Variants in MTF2 observed in about 807,000 individuals in gnomAD.
MTF2 encodes metal-response element-binding transcription factor 2.
A neutral mutation model predicts 79.5 loss-of-function variants in MTF2; 11 were observed. The observed-to-expected ratio is 0.14, with a 90% CI of 0.09 to 0.23. The LOEUF is 0.23. Ranked by LOEUF, MTF2 falls within the 10% of genes least tolerant of loss-of-function variation. The pLI is 1.00. For synonymous variants in MTF2, 208 were observed against 232.8 expected, an observed-to-expected ratio of 0.89 and a Z score of 0.97; for missense variants, 486 against 711.2, an observed-to-expected ratio of 0.68 and a Z score of 3.60.
chr1:93,103,824 T>G (rs1655648664), intron 1 of MTF2, among the ~76,000 whole-genome samples: 1 of 152,204 alleles, frequency 6.6e-6, no homozygotes, highest in Admixed American at 6.5e-5. Context: ...GCAACGATGT[T>G]TATCCTACTT....
At chr1:93,130,106 A>G (rs1656859050) in intron 11 of MTF2, among the ~76,000 whole-genome samples, 1 of 152,212 alleles carries the variant, frequency 6.6e-6, no homozygotes, top group African/African-American at 2.4e-5. Flanking sequence ...AAGGCTTTGA[A>G]ACATATTCTA....
intron 3 of MTF2, among the ~76,000 whole-genome samples, chr1:93,113,269 A>T (rs1656106152): frequency 6.6e-6 from 1 of 151,076 alleles, no homozygotes; most frequent in South Asian, 2.1e-4. Flanking sequence ...GGTTCCAGTT[A>T]CTTGGGAGGC....
intron 9 of MTF2, among the ~76,000 whole-genome samples, chr1:93,124,347 A>G (rs1656608355): frequency 2.0e-5 from 3 of 152,044 alleles, no homozygotes; most frequent in Admixed American, 1.3e-4. Flanking sequence ...GTTGTATCAG[A>G]TTGTTTTGGG....
At chr1:93,121,295 A>C in intron 9 of MTF2, 1 of 883,012 alleles carries the variant, frequency 1.1e-6, no homozygotes, top group South Asian at 5.2e-5. Flanking sequence ...AAACTAATGA[A>C]TAGCAGAAAG....
intron 1 of MTF2, among the ~76,000 whole-genome samples, chr1:93,109,264 A>G (rs945620625): frequency 1.3e-5 from 2 of 152,154 alleles, no homozygotes; most frequent in Non-Finnish European, 2.9e-5. Context: ...CATAAGTTAT[A>G]ATGTAATTTC....
intron 10 of MTF2, among the ~76,000 whole-genome samples, chr1:93,128,361 C>T (rs1040060419): frequency 2.6e-5 from 4 of 151,818 alleles, no homozygotes; most frequent in Non-Finnish European, 4.4e-5. Flanking sequence ...AGTTTGAGAC[C>T]AGCCTGGCCA....
chr1:93,096,331 C>G (rs1655284889), intron 1 of MTF2, among the ~76,000 whole-genome samples: 1 of 152,128 alleles, frequency 6.6e-6, no homozygotes, highest in African/African-American at 2.4e-5. Context: ...TCATTTCTAT[C>G]CAGGGCCCCA....
intron 1 of MTF2, among the ~76,000 whole-genome samples, chr1:93,100,024 G>A (rs1223521745): frequency 6.6e-6 from 1 of 152,166 alleles, no homozygotes; most frequent in Admixed American, 6.5e-5. Context: ...GTAGGAAATA[G>A]GAGTTGGCAT....
At chr1:93,131,956 G>A (rs572443185) in intron 11 of MTF2, among the ~76,000 whole-genome samples, 3 of 152,108 alleles carry the variant, frequency 2.0e-5, no homozygotes, top group Non-Finnish European at 4.4e-5. Flanking sequence ...CCATTTTCTC[G>A]ATGAAATATA....
At chr1:93,127,390 T>A (rs1262349547) in intron 10 of MTF2, 91 bp downstream of exon 10, 1 of 837,904 alleles carries the variant, frequency 1.2e-6, no homozygotes, top group South Asian at 1.5e-5. Flanking sequence ...GGGATTGATG[T>A]ACAGAAGAAG....
At chr1:93,121,588 A>G (rs1656480228) in intron 9 of MTF2, 4 of 977,468 alleles carry the variant, frequency 4.1e-6, no homozygotes, top group Non-Finnish European at 4.9e-6. Context: ...GGTTTATGGG[A>G]TATCAGGGAG....
At chr1:93,130,532 G>A (rs1364692252) in intron 11 of MTF2, among the ~76,000 whole-genome samples, 5 of 152,104 alleles carry the variant, frequency 3.3e-5, no homozygotes, top group East Asian at 1.9e-4. Flanking sequence ...AGCCGAGATC[G>A]TGCCACTGCA....
intron 9 of MTF2, among the ~76,000 whole-genome samples, chr1:93,125,540 G>A (rs1334408144): frequency 6.6e-6 from 1 of 151,992 alleles, no homozygotes; most frequent in African/African-American, 2.4e-5. Context: ...ATTCTAGAAG[G>A]ATGACAGAAT....
chr1:93,085,679 G>A (rs1654807473), intron 1 of MTF2, among the ~76,000 whole-genome samples: 1 of 151,890 alleles, frequency 6.6e-6, no homozygotes, highest in Admixed American at 6.6e-5. Flanking sequence ...GTAGAAACGG[G>A]GTCTTGGTAT....
chr1:93,124,843 C>T (rs757729574), intron 9 of MTF2, among the ~76,000 whole-genome samples: 4 of 151,610 alleles, frequency 2.6e-5, no homozygotes, highest in Non-Finnish European at 5.9e-5. Flanking sequence ...AAAAAATATT[C>T]TTTTGGAGAT....
At chr1:93,115,249 TA>T (rs1656202735) in intron 5 of MTF2, among the ~76,000 whole-genome samples, 161 bp downstream of exon 5, 1 of 152,238 alleles carries the variant, frequency 6.6e-6, no homozygotes, top group African/African-American at 2.4e-5. Context: ...AGTGACTTTT[TA>T]ATGATGCTTT....
intron 9 of MTF2, among the ~76,000 whole-genome samples, chr1:93,123,814 G>T (rs912542015): frequency 7.7e-6 from 1 of 129,590 alleles, no homozygotes. Flanking sequence ...TTATTTTAAA[G>T]ACTTTTTTTT....
intron 1 of MTF2, among the ~76,000 whole-genome samples, chr1:93,086,234 T>G (rs1465929160): frequency 1.3e-5 from 2 of 152,144 alleles, no homozygotes. Flanking sequence ...CCGGGTGCAT[T>G]GGCTCACGCC....
Position 93,133,756 on chromosome 1 carries a change from C to CA in MTF2, c.1215dup (p.Pro406ThrfsTer14). ...GGAAAGAAAAAATCTGTAGGTCGTC[C>CA]ACCTGGCCCATATACAAGAAAAATG... On this transcript the variant is annotated frameshift_variant, in exon 12 of 15. Coordinates refer to ENST00000370298, the MANE Select transcript of MTF2 (RefSeq NM_007358.4). LOFTEE classifies it high-confidence loss of function. 1 of 1,612,140 alleles carries CA rather than the reference C, an allele frequency of 6.2e-7. No homozygotes were observed. Among genetic ancestry groups the CA allele is most frequent in the Non-Finnish European group, 8.5e-7 (1 of 1,179,246 alleles).
Sources: gnomAD v4.1 joint callset for allele counts (sites outside exome capture counted in the v4.1 genomes callset) on GRCh38, gnomAD v4.1.1 for gene constraint, MANE v1.5 for transcripts, NCBI Gene and HGNC (gene_info 2026-07-23, HGNC 2026-07-21) for gene names.